Variants in APBA1 observed in about 807,000 individuals in gnomAD.
APBA1 encodes amyloid beta precursor protein binding family A member 1.
A neutral mutation model predicts 86.6 loss-of-function variants in APBA1; 55 were observed. The ratio of observed to expected loss-of-function variants is 0.64; its 90% CI spans 0.51 to 0.80. APBA1 has a LOEUF of 0.80. APBA1 is among the 30% of genes least tolerant of loss of function. APBA1 has a pLI of 0.00. For missense variants in APBA1, 1,090 were observed against 1,183.0 expected (o/e 0.92, Z 1.15); for synonymous variants, 511 against 493.9 (o/e 1.03, Z -0.46).
intron 1 of APBA1, among the ~76,000 whole-genome samples, chr9:69,651,405 A>T (rs548186469): frequency 1.3e-5 from 2 of 152,266 alleles, no homozygotes; most frequent in East Asian, 3.9e-4. Flanking sequence ...TAGTTTATAC[A>T]CTTTACTGTA....
intron 1 of APBA1, among the ~76,000 whole-genome samples, chr9:69,648,229 G>A (rs909555877): frequency 5.3e-5 from 8 of 152,094 alleles, no homozygotes; most frequent in Non-Finnish European, 7.4e-5. Flanking sequence ...AACTAAACAG[G>A]GATGAGAAAG....
chr9:69,659,381 C>T (rs1466414325), intron 1 of APBA1, among the ~76,000 whole-genome samples: 1 of 152,164 alleles, frequency 6.6e-6, no homozygotes, highest in East Asian at 1.9e-4. Flanking sequence ...ATAAATGACA[C>T]CTGAATCATC....
chr9:69,581,972 G>A (rs1052570294), intron 1 of APBA1, among the ~76,000 whole-genome samples: 6 of 152,170 alleles, frequency 3.9e-5, no homozygotes, highest in African/African-American at 1.2e-4. Flanking sequence ...AGGCCAATGT[G>A]TTAAGTGTCC....
chr9:69,441,060 G>A lies in APBA1; in HGVS notation c.2237C>T (p.Thr746Ile), dbSNP rs1167169430. ...GTCTGGTCTTCTGATTAACACGGTGGTCACCGGAGGACATCTCACGATATT... is the reference window on the plus strand; with the variant it reads ...GTCTGGTCTTCTGATTAACACGGTGATCACCGGAGGACATCTCACGATATT... ...KLNIVRCPPV[T>I]TVLIRRPDLR... The change falls in exon 11 of 13, where the codon ACC (threonine) becomes ATC (isoleucine). Residue 746 changes from threonine (T) to isoleucine (I), a missense_variant. Physicochemically the swap from Thr to Ile is moderately conservative, Grantham distance 89 (BLOSUM62 -1). This residue lies in a region of APBA1 where 119 missense variants were observed against 124.8 expected (regional missense o/e 0.95). Coordinates refer to ENST00000265381, the MANE Select transcript of APBA1 (RefSeq NM_001163.4). 6.2e-7 allele frequency: 1 copy of A among 1,614,098 alleles called. No homozygotes were observed. Among genetic ancestry groups the A allele is most frequent in the Non-Finnish European group, 8.5e-7 (1 of 1,180,036 alleles).
At chr9:69,598,652 G>A (rs149293837) in intron 1 of APBA1, among the ~76,000 whole-genome samples, 8 of 152,000 alleles carry the variant, frequency 5.3e-5, no homozygotes, top group African/African-American at 7.2e-5. Context: ...AATAGACAAG[G>A]TTGGGGGCTC....
In APBA1 at chr9:69,428,061, G is replaced by A. The variant is rs529331581; in HGVS notation, c.*3266C>T. The stretch of plus-strand genomic sequence containing the variant: ...ACACATGAAACTCAAACCAACAGGT[G>A]GCCTGTGAATGCGAGTAAACACATC... On this transcript the variant is annotated 3_prime_UTR_variant, in exon 13 of 13. Transcript: ENST00000265381. The A allele has an allele frequency of 2.0e-5, 3 of 152,322 alleles. No homozygotes were observed. Among genetic ancestry groups the A allele is most frequent in the African/African-American group, 7.2e-5 (3 of 41,568 alleles). The allele number at this position is 152,322 out of a possible 1,614,324, so 9.4% of individuals were successfully genotyped here. A position where few individuals can be genotyped will look rare whatever the true frequency, so the allele number is the denominator to read the frequency against.
intron 2 of APBA1, among the ~76,000 whole-genome samples, chr9:69,482,450 A>G (rs1436057925): frequency 1.3e-5 from 2 of 151,198 alleles, no homozygotes; most frequent in Non-Finnish European, 2.9e-5. Context: ...TTAGAATGGC[A>G]ATCATTAAAA....
At chr9:69,485,919 A>G (rs954172572) in intron 2 of APBA1, among the ~76,000 whole-genome samples, 12 of 152,090 alleles carry the variant, frequency 7.9e-5, no homozygotes, top group Non-Finnish European at 1.6e-4. Flanking sequence ...AAGGATATAA[A>G]AGTATCCCAA....
chr9:69,486,186 A>G (rs2133852741), intron 2 of APBA1, among the ~76,000 whole-genome samples: 1 of 152,128 alleles, frequency 6.6e-6, no homozygotes, highest in Admixed American at 6.5e-5. Flanking sequence ...TCCTGACCTC[A>G]AGTGATCCGC....
At chr9:69,536,104 A>G (rs1724306470) in intron 1 of APBA1, among the ~76,000 whole-genome samples, 1 of 150,240 alleles carries the variant, frequency 6.7e-6, no homozygotes, top group African/African-American at 2.4e-5. Flanking sequence ...ATTCTGTTTC[A>G]TAATGTCACA....
rs116457676 is a variant in APBA1, at chr9:69,445,056, C to T, written c.2182-3941G>A. Among the ~76,000 whole-genome samples, 1,153 of 152,298 alleles carry T rather than the reference C, an allele frequency of 7.6e-3. 8 individuals carry two copies. Among genetic ancestry groups the T allele is most frequent in the African/African-American group, 0.026 (1,069 of 41,556 alleles). On this transcript the variant is annotated intron_variant, in intron 10 of 12. Transcript: ENST00000265381. ...CAAAGCCACCTGCTTTAAATGTTTACGCCTATTAACCACTGAGATTATTTA... is the reference window on the plus strand; with the variant it reads ...CAAAGCCACCTGCTTTAAATGTTTATGCCTATTAACCACTGAGATTATTTA...
intron 2 of APBA1, among the ~76,000 whole-genome samples, chr9:69,505,709 G>A (rs975721718): frequency 6.6e-6 from 1 of 152,020 alleles, no homozygotes; most frequent in Non-Finnish European, 1.5e-5. Flanking sequence ...AGATCAGTAG[G>A]CTGTGGATTT....
At chr9:69,483,975 A>T (rs1835566790) in intron 2 of APBA1, among the ~76,000 whole-genome samples, 1 of 152,136 alleles carries the variant, frequency 6.6e-6, no homozygotes, top group African/African-American at 2.4e-5. Context: ...AGTCTTCATG[A>T]GAATTTAATG....
In APBA1 at chr9:69,627,062, A is replaced by T. The variant is rs144325130; in HGVS notation, c.-70+45091T>A. On this transcript the variant is annotated intron_variant, in intron 1 of 12. Transcript: ENST00000265381. ...CAATGCTGACCTACTCTTTATTCTGAAACTAATGCACTCTGTGGGCATTTC... is the reference window on the plus strand; with the variant it reads ...CAATGCTGACCTACTCTTTATTCTGTAACTAATGCACTCTGTGGGCATTTC... Among the ~76,000 whole-genome samples the T allele has an allele frequency of 2.5e-3, 384 of 152,310 alleles. 1 individual carries two copies. Among genetic ancestry groups the T allele is most frequent in the African/African-American group, 8.8e-3 (365 of 41,560 alleles).
At chr9:69,481,776 T>C (rs1397152512) in intron 2 of APBA1, among the ~76,000 whole-genome samples, 1 of 151,184 alleles carries the variant, frequency 6.6e-6, no homozygotes, top group African/African-American at 2.4e-5. Flanking sequence ...AACAGAGATA[T>C]AGATCAATGG....
chr9:69,660,020 C>T (rs1424427656), intron 1 of APBA1, among the ~76,000 whole-genome samples: 1 of 152,186 alleles, frequency 6.6e-6, no homozygotes, highest in Non-Finnish European at 1.5e-5. Context: ...TACCCACGTG[C>T]ACACACTTAC....
At chr9:69,602,967 T>A (rs1822384771) in intron 1 of APBA1, among the ~76,000 whole-genome samples, 1 of 152,180 alleles carries the variant, frequency 6.6e-6, no homozygotes, top group South Asian at 2.1e-4. Flanking sequence ...ATCAAAAGAC[T>A]TTTGGCAGCA....
intron 1 of APBA1, among the ~76,000 whole-genome samples, chr9:69,577,708 AAAAT>A (rs1821831350): frequency 6.6e-6 from 1 of 152,248 alleles, no homozygotes; most frequent in South Asian, 2.1e-4. Flanking sequence ...ATGACAATGA[AAAAT>A]AAATACATAT....
intron 1 of APBA1, among the ~76,000 whole-genome samples, chr9:69,663,745 C>G (rs890678490): frequency 2.0e-5 from 3 of 152,234 alleles, no homozygotes; most frequent in East Asian, 1.9e-4. Context: ...GAAGAGGAGG[C>G]TGAAAAGGAA....
Sources: allele counts gnomAD v4.1 joint callset (sites outside exome capture counted in the v4.1 genomes callset), GRCh38; gene constraint gnomAD v4.1.1; regional missense constraint gnomAD v4.1.1; transcripts MANE v1.5; gene names NCBI Gene and HGNC (gene_info 2026-07-23, HGNC 2026-07-21).